UCK2: variants seen among roughly 807,000 people sequenced by gnomAD.
UCK2 encodes the protein cytidine monophosphokinase 2.
UCK2 carries 6 observed loss-of-function variants against 30.8 expected under a neutral mutation model. The observed-to-expected ratio is 0.19, with a 90% CI of 0.11 to 0.38. The LOEUF is 0.38. UCK2 is among the 10% of genes least tolerant of loss of function. UCK2 has a pLI of 1.00. For synonymous variants in UCK2, 125 were observed against 133.6 expected (o/e 0.94, Z 0.45); for missense variants, 210 against 339.8 (o/e 0.62, Z 3.00).
chr1:165,872,645 G>A (rs979505469), intron 1 of UCK2, among the ~76,000 whole-genome samples: 1 of 152,222 alleles, frequency 6.6e-6, no homozygotes, highest in Non-Finnish European at 1.5e-5. Flanking sequence ...CATAATTTAT[G>A]TCTGTCAATG....
intron 1 of UCK2, among the ~76,000 whole-genome samples, chr1:165,873,838 C>G (rs148371700): frequency 1.3e-5 from 2 of 151,876 alleles, no homozygotes; most frequent in East Asian, 4.1e-4. Flanking sequence ...CTCCCTCCCT[C>G]CTGCCTAAAA....
At position 165,890,209 on chromosome 1, in the gene UCK2, C is replaced by T. The variant is rs759023974; in HGVS notation, c.105C>T (p.Ser35=). 1.6e-5 allele frequency: 26 copies of T among 1,614,038 alleles called. No homozygotes were observed. The highest frequency in any genetic ancestry group is 6.7e-5 in the Admixed American group (4 of 60,018). ...VSGGTASGKS[S]VCAKIVQLLG... is the part of the protein sequence containing the mutation. ...GCTCTCTTCTCTCCTCACAGTCTTCCGTGTGTGCTAAGATCGTGCAGCTCC... is the reference window on the plus strand; with the variant it reads ...GCTCTCTTCTCTCCTCACAGTCTTCTGTGTGTGCTAAGATCGTGCAGCTCC... Residue 35 remains serine (S), a synonymous_variant, in exon 2 of 7, where the codon TCC becomes TCT. Coordinates refer to ENST00000367879, the MANE Select transcript of UCK2 (RefSeq NM_012474.5).
At chr1:165,840,000 G>A (rs1654287922) in intron 1 of UCK2, among the ~76,000 whole-genome samples, 1 of 152,170 alleles carries the variant, frequency 6.6e-6, no homozygotes, top group African/African-American at 2.4e-5. Flanking sequence ...TCGGCCCACT[G>A]CAGCCTCTGC....
chr1:165,873,657 G>A (rs1655258820), intron 1 of UCK2, among the ~76,000 whole-genome samples: 1 of 151,932 alleles, frequency 6.6e-6, no homozygotes, highest in African/African-American at 2.4e-5. Flanking sequence ...CCTTTCTTTT[G>A]AGTGTCCTTT....
At chr1:165,834,099 C>T (rs535994963) in intron 1 of UCK2, among the ~76,000 whole-genome samples, 1 of 152,116 alleles carries the variant, frequency 6.6e-6, no homozygotes, top group South Asian at 2.1e-4. Flanking sequence ...TTGTTTAATA[C>T]TTGGTGAGTC....
At chr1:165,887,150 G>A (rs1655635365) in intron 1 of UCK2, among the ~76,000 whole-genome samples, 1 of 152,186 alleles carries the variant, frequency 6.6e-6, no homozygotes, top group African/African-American at 2.4e-5. Flanking sequence ...TCATAATGGA[G>A]TGTTTGGCAC....
intron 1 of UCK2, among the ~76,000 whole-genome samples, chr1:165,830,096 G>A (rs183700154): frequency 6.6e-6 from 1 of 151,526 alleles, no homozygotes; most frequent in African/African-American, 2.4e-5. Context: ...CCCTCCACCT[G>A]TTGGGCTCAA....
At chr1:165,886,202 T>A (rs1440459247) in intron 1 of UCK2, among the ~76,000 whole-genome samples, 1 of 152,236 alleles carries the variant, frequency 6.6e-6, no homozygotes, top group Non-Finnish European at 1.5e-5. Flanking sequence ...GTAACAGTTG[T>A]ACCCTTTCCC....
intron 3 of UCK2, 162 bp from the exon 4 acceptor site, chr1:165,896,028 G>A (rs1459145053): frequency 2.0e-5 from 18 of 879,678 alleles, no homozygotes; most frequent in East Asian, 4.9e-5. Flanking sequence ...GTGGTGGTCC[G>A]AGGGCTCTGT....
intron 4 of UCK2, chr1:165,902,957 G>T: frequency 2.7e-6 from 1 of 370,428 alleles, no homozygotes; most frequent in Non-Finnish European, 4.9e-6. Context: ...TTGTTTCAAA[G>T]AGCATTGTGT....
chr1:165,849,793 G>A (rs748666884), intron 1 of UCK2, among the ~76,000 whole-genome samples: 51 of 152,154 alleles, frequency 3.4e-4, no homozygotes, highest in Non-Finnish European at 1.2e-4. Flanking sequence ...TCTGTCTCTT[G>A]GAATGAGTAG....
intron 1 of UCK2, among the ~76,000 whole-genome samples, chr1:165,843,417 G>T (rs529717929): frequency 6.4e-4 from 98 of 152,244 alleles, no homozygotes; most frequent in African/African-American, 2.1e-3. Flanking sequence ...TCAAGAAGTC[G>T]TTAGGCCACA....
intron 4 of UCK2, among the ~76,000 whole-genome samples, chr1:165,898,357 G>A (rs1035923982): frequency 6.6e-6 from 1 of 152,212 alleles, no homozygotes; most frequent in Non-Finnish European, 1.5e-5. Flanking sequence ...AAGATGAGAG[G>A]TAGTGCAGGT....
intron 1 of UCK2, among the ~76,000 whole-genome samples, chr1:165,865,108 ACAT>A (rs1655018433): frequency 6.6e-6 from 1 of 152,188 alleles, no homozygotes; most frequent in African/African-American, 2.4e-5. Flanking sequence ...TGTACACATC[ACAT>A]CATATGTGTA....
At position 165,827,768 on chromosome 1, in the gene UCK2, ACGCGGG is replaced by A; in HGVS notation, c.-57_-52del. On this transcript the variant is annotated 5_prime_UTR_variant, in exon 1 of 7. Transcript: ENST00000367879. ...GGCTGCGGAAAGCGGAGGGAGTCCG[ACGCGGG>A]CGCGGGCGGGGAGCGTGCGTCCGTT... The A allele has an allele frequency of 1.6e-6, 2 of 1,269,684 alleles. No individual in the cohort carries two copies. Among genetic ancestry groups the A allele is most frequent in the South Asian group, 2.6e-5 (1 of 38,086 alleles). The allele number at this position is 1,269,684 out of a possible 1,614,324, so 78.7% of individuals were successfully genotyped here.
At chr1:165,879,138 A>G (rs1571287487) in intron 1 of UCK2, among the ~76,000 whole-genome samples, 1 of 152,226 alleles carries the variant, frequency 6.6e-6, no homozygotes, top group South Asian at 2.1e-4. Flanking sequence ...TAAGGTCTTT[A>G]GACCATTTTT....
At chr1:165,890,409 G>GC in intron 2 of UCK2, 46 bp downstream of exon 2, 1 of 1,435,258 alleles carries the variant, frequency 7.0e-7, no homozygotes. Flanking sequence ...TGGTGTGTTG[G>GC]GGGGAATAGT....
chr1:165,891,392 C>A, intron 3 of UCK2, 70 bp downstream of exon 3: 1 of 1,418,644 alleles, frequency 7.0e-7, no homozygotes, highest in Admixed American at 1.7e-5. Flanking sequence ...TGCACTGAGA[C>A]CTCCTTCCTT....
intron 1 of UCK2, among the ~76,000 whole-genome samples, chr1:165,846,845 A>T (rs1654461449): frequency 6.6e-6 from 1 of 152,170 alleles, no homozygotes; most frequent in African/African-American, 2.4e-5. Flanking sequence ...GGCAGTTTGG[A>T]CTGTTCCTCA....
Sources: allele counts gnomAD v4.1 joint callset (sites outside exome capture counted in the v4.1 genomes callset), GRCh38; gene constraint gnomAD v4.1.1; transcripts MANE v1.5; gene names NCBI Gene and HGNC (gene_info 2026-07-23, HGNC 2026-07-21).